SPAG16: variants seen among roughly 807,000 people sequenced by gnomAD.
SPAG16 encodes sperm-associated antigen 16 protein.
SPAG16 carries 86 observed loss-of-function variants against 80.4 expected under a neutral mutation model. That is an observed-to-expected ratio of 1.07 (90% CI 0.90 to 1.28). SPAG16 has a LOEUF of 1.28. Ranked by LOEUF, SPAG16 falls within the 50% of genes most tolerant of loss-of-function variation. SPAG16 has a pLI of 0.00. For synonymous variants in SPAG16, 294 were observed against 265.9 expected (o/e 1.11, Z -1.03); for missense variants, 870 against 765.3 (o/e 1.14, Z -1.61).
At chr2:214,283,246 A>G (rs1413280066) in intron 15 of SPAG16, among the ~76,000 whole-genome samples, 1 of 152,130 alleles carries the variant, frequency 6.6e-6, no homozygotes, top group Non-Finnish European at 1.5e-5. Flanking sequence ...TCATCATAAT[A>G]ACGTGTGTGA....
At chr2:214,205,912 C>A (rs1179236570) in intron 15 of SPAG16, among the ~76,000 whole-genome samples, 1 of 152,038 alleles carries the variant, frequency 6.6e-6, no homozygotes, top group African/African-American at 2.4e-5. Flanking sequence ...TTATTGATAA[C>A]TGGCCGGGCG....
At chr2:213,397,529 A>G (rs1057179389) in intron 9 of SPAG16, among the ~76,000 whole-genome samples, 2 of 152,004 alleles carry the variant, frequency 1.3e-5, no homozygotes. Flanking sequence ...AATCCCCGTG[A>G]TATTGTCACT....
intron 10 of SPAG16, among the ~76,000 whole-genome samples, chr2:213,650,219 C>G (rs1208215179): frequency 6.6e-6 from 1 of 152,172 alleles, no homozygotes; most frequent in Non-Finnish European, 1.5e-5. Context: ...ACAGTTCAAT[C>G]TGATCCAGTG....
intron 11 of SPAG16, among the ~76,000 whole-genome samples, chr2:213,893,018 A>G (rs975173472): frequency 5.9e-5 from 9 of 152,126 alleles, no homozygotes; most frequent in African/African-American, 1.4e-4. Flanking sequence ...ATGATAATCA[A>G]ACTCTCAAAA....
intron 9 of SPAG16, among the ~76,000 whole-genome samples, chr2:213,402,701 T>G (rs1241491794): frequency 3.3e-5 from 5 of 152,114 alleles, no homozygotes; most frequent in Non-Finnish European, 7.4e-5. Flanking sequence ...CTTGCGATAG[T>G]TTACAGAGAA....
chr2:214,409,381 AGTTT>A (rs1394988482), intron 15 of SPAG16, among the ~76,000 whole-genome samples: 1 of 152,086 alleles, frequency 6.6e-6, no homozygotes, highest in Non-Finnish European at 1.5e-5. Context: ...GTCCCATGAT[AGTTT>A]GTTACTGGAC....
chr2:214,230,034 C>G (rs1011509619), intron 15 of SPAG16, among the ~76,000 whole-genome samples: 1 of 151,676 alleles, frequency 6.6e-6, no homozygotes, highest in Admixed American at 6.6e-5. Context: ...TATATTATAG[C>G]AGATGGAGAA....
chr2:213,838,749 G>C (rs574041143), intron 10 of SPAG16, among the ~76,000 whole-genome samples: 1 of 152,184 alleles, frequency 6.6e-6, no homozygotes, highest in African/African-American at 2.4e-5. Context: ...TACTTTCCTT[G>C]TAAAGGTTAA....
rs2067368830 is a variant in SPAG16, at chr2:213,737,942, C to T, written c.1071-124543C>T. 3.9e-5 allele frequency among the ~76,000 whole-genome samples: 6 copies of T among 152,198 alleles called. No individual in the cohort carries two copies. The South Asian group carries it at 1.2e-3, about 32-fold the overall frequency. On this transcript the variant is annotated intron_variant, in intron 10 of 15. Coordinates refer to ENST00000331683, the MANE Select transcript of SPAG16 (RefSeq NM_024532.5). The stretch of plus-strand genomic sequence containing the variant: ...ACCTATCAATATTTTTAAAAAAATT[C>T]TGCCCCTCTTTTAAGCCATAATTAT...
chr2:213,322,178 C>T (rs1387809142), intron 5 of SPAG16, among the ~76,000 whole-genome samples: 1 of 151,054 alleles, frequency 6.6e-6, no homozygotes, highest in Admixed American at 6.6e-5. Context: ...CATTCATAAA[C>T]CTTGTTTTAT....
At chr2:214,281,151 C>T in intron 15 of SPAG16, 1 of 376,116 alleles carries the variant, frequency 2.7e-6, no homozygotes, top group South Asian at 2.4e-5. Flanking sequence ...TGTGGTCCAG[C>T]AGCAGGCCAG....
At chr2:214,155,526 C>T (rs13403869) in intron 15 of SPAG16, among the ~76,000 whole-genome samples, 250 of 151,246 alleles carry the variant, frequency 1.7e-3, no homozygotes, top group African/African-American at 5.8e-3. Context: ...TTTTTAAAGA[C>T]GGGGTCCTAT....
At chr2:214,307,367 G>T (rs1484293390) in intron 15 of SPAG16, among the ~76,000 whole-genome samples, 1 of 151,802 alleles carries the variant, frequency 6.6e-6, no homozygotes, top group African/African-American at 2.4e-5. Flanking sequence ...CTTTTGAATG[G>T]TTTTTCATAT....
At chr2:214,090,903 A>G (rs1481524330) in intron 13 of SPAG16, among the ~76,000 whole-genome samples, 1 of 152,034 alleles carries the variant, frequency 6.6e-6, no homozygotes, top group African/African-American at 2.4e-5. Context: ...TCTGTTGATG[A>G]GATTAATAAA....
chr2:213,702,260 G>A (rs563319320), intron 10 of SPAG16, among the ~76,000 whole-genome samples: 1 of 152,218 alleles, frequency 6.6e-6, no homozygotes, highest in Non-Finnish European at 1.5e-5. Flanking sequence ...AGCAGGATGT[G>A]GGTGGGGCCA....
At chr2:214,192,831 T>G (rs1228601810) in intron 15 of SPAG16, among the ~76,000 whole-genome samples, 1 of 152,092 alleles carries the variant, frequency 6.6e-6, no homozygotes, top group African/African-American at 2.4e-5. Context: ...AAAAAATAAG[T>G]AATGAGACTG....
intron 9 of SPAG16, among the ~76,000 whole-genome samples, chr2:213,434,615 C>T (rs1559129822): frequency 6.6e-6 from 1 of 152,008 alleles, no homozygotes; most frequent in South Asian, 2.1e-4. Flanking sequence ...ACTCAAACAA[C>T]AATCAAAAGA....
chr2:214,177,999 A>G (rs2057176546), intron 15 of SPAG16, among the ~76,000 whole-genome samples: 2 of 64,518 alleles, frequency 3.1e-5, no homozygotes, highest in African/African-American at 6.9e-5. Flanking sequence ...ATATATATAT[A>G]TATATATATA....
intron 13 of SPAG16, among the ~76,000 whole-genome samples, chr2:214,025,227 A>T (rs940670036): frequency 6.6e-6 from 1 of 151,666 alleles, no homozygotes; most frequent in Non-Finnish European, 1.5e-5. Flanking sequence ...GGGTTAAATG[A>T]TGCTTAATGA....
Sources: allele counts gnomAD v4.1 joint callset (sites outside exome capture counted in the v4.1 genomes callset), GRCh38; gene constraint gnomAD v4.1.1; transcripts MANE v1.5; gene names NCBI Gene and HGNC (gene_info 2026-07-23, HGNC 2026-07-21).